The following PPP1R3B variants were observed in gnomAD, a reference collection of about 807,000 sequenced individuals.
The protein encoded by PPP1R3B is PP1 subunit R4.
PPP1R3B carries 8 observed loss-of-function variants against 14.6 expected under a neutral mutation model. The ratio of observed to expected loss-of-function variants is 0.55; its 90% CI spans 0.32 to 0.99. The LOEUF is 0.99. Among genes scored for constraint, PPP1R3B ranks in the 50% least tolerant of loss-of-function variants. The probability of loss-of-function intolerance (pLI) is 0.04; values close to 1 mark genes in which losing one functional copy is unlikely to be tolerated. For synonymous variants in PPP1R3B, 169 were observed against 142.0 expected, an observed-to-expected ratio of 1.19 and a Z score of -1.35; for missense variants, 452 against 360.1, an observed-to-expected ratio of 1.26 and a Z score of -2.07.
rs1170025554 is a variant in PPP1R3B, at chr8:9,148,086, A to G, written c.-18+2477T>C. On this transcript the variant is annotated intron_variant, in intron 1 of 1. Transcript: ENST00000310455. ...GTCATTCTCCAAGAATCAGCACACC[A>G]AAGTGCTGGTTTGGTGTAGGCTTTC... 3.3e-5 allele frequency among the ~76,000 whole-genome samples: 5 copies of G among 152,188 alleles called. No individual in the cohort carries two copies. In the East Asian group the frequency reaches 9.6e-4, roughly 29 times the overall value.
rs1800903192 is a variant in PPP1R3B at position 9,136,758 on chromosome 8, C to T, written c.*4036G>A. 6.6e-6 allele frequency: 1 copy of T among 152,194 alleles called. No homozygotes were observed. The highest frequency in any genetic ancestry group is 1.5e-5 in the Non-Finnish European group (1 of 68,032). 9.4% of individuals were successfully genotyped at this position (152,194 alleles called of 1,614,324 possible). On this transcript the variant is annotated 3_prime_UTR_variant, in exon 2 of 2. Coordinates refer to ENST00000310455, the MANE Select transcript of PPP1R3B (RefSeq NM_024607.4). ...TTGTCTCCGATTTCAGTGAACATGT[C>T]AGGAGAGACGTGATCGGGACTCTCC... is the stretch of plus-strand genomic sequence containing the variant.
At chr8:9,149,058 C>T (rs187710266) in intron 1 of PPP1R3B, among the ~76,000 whole-genome samples, 2,904 of 145,946 alleles carry the variant, frequency 0.02, 88 homozygotes, top group African/African-American at 0.068. Flanking sequence ...CCGGGCGTGG[C>T]GGCGGGCGCC....
At chr8:9,144,255 A>G (rs1801168441) in intron 1 of PPP1R3B, among the ~76,000 whole-genome samples, 1 of 150,936 alleles carries the variant, frequency 6.6e-6, no homozygotes, top group African/African-American at 2.4e-5. Flanking sequence ...TGGTATGAAC[A>G]TGGCTTATGG....
Position 9,139,614 on chromosome 8 carries a change from T to G in PPP1R3B, c.*1180A>C, listed in dbSNP as rs1801002470. 1 of 152,056 alleles carries G rather than the reference T, an allele frequency of 6.6e-6. No homozygotes were observed. Among genetic ancestry groups the G allele is most frequent in the Non-Finnish European group, 1.5e-5 (1 of 68,024 alleles). 9.4% of individuals were successfully genotyped at this position (152,056 alleles called of 1,614,324 possible). A position where few individuals can be genotyped will look rare whatever the true frequency, so the allele number is the denominator to read the frequency against. Reference sequence around the variant, plus strand: ...CCCAGGCGGGAATGCAGTGGTGTGATCTCGGTTCACTGTAAGCTCCGCCTC... The same window carrying G: ...CCCAGGCGGGAATGCAGTGGTGTGAGCTCGGTTCACTGTAAGCTCCGCCTC... On this transcript the variant is annotated 3_prime_UTR_variant, in exon 2 of 2. Coordinates refer to ENST00000310455, the MANE Select transcript of PPP1R3B (RefSeq NM_024607.4).
Position 9,141,542 on chromosome 8 carries a change from C to T in PPP1R3B, c.110G>A (p.Cys37Tyr). ...SPKPSKPLRP[C>Y]IQLSSKNEAS... ...TTCATTCTTGCTGCTCAGCTGAATACAAGGCCTCAGTGGTTTGCTGGGCTT... is the reference window on the plus strand; with the variant it reads ...TTCATTCTTGCTGCTCAGCTGAATATAAGGCCTCAGTGGTTTGCTGGGCTT... The change falls in exon 2 of 2, where the codon TGT becomes TAT. Residue 37 changes from cysteine (C) to tyrosine (Y), a missense_variant. By Grantham distance (194) the Cys-to-Tyr change is radical (BLOSUM62 -2). Coordinates refer to ENST00000310455, the MANE Select transcript of PPP1R3B (RefSeq NM_024607.4). 1.9e-6 allele frequency: 3 copies of T among 1,614,164 alleles called. No individual in the cohort carries two copies. The highest frequency in any genetic ancestry group is 2.5e-6 in the Non-Finnish European group (3 of 1,180,046).
In PPP1R3B at chr8:9,139,905, G is replaced by A. The variant is rs330919; in HGVS notation, c.*889C>T. 0.29 allele frequency: 44,207 copies of A among 152,024 alleles called. 7,667 individuals carry two copies. The highest frequency in any genetic ancestry group is 0.75 in the East Asian group (3,879 of 5,152). The allele number at this position is 152,024 out of a possible 1,614,324, so 9.4% of individuals were successfully genotyped here. On this transcript the variant is annotated 3_prime_UTR_variant, in exon 2 of 2. Coordinates refer to ENST00000310455, the MANE Select transcript of PPP1R3B (RefSeq NM_024607.4). Reference sequence around the variant, plus strand: ...CAGCCAAGCACGTTAAAGTCATTGAGCTTTCGGGGGAAAAATCAGATTTTT... The same window carrying A: ...CAGCCAAGCACGTTAAAGTCATTGAACTTTCGGGGGAAAAATCAGATTTTT...
rs1182283353 is a variant in PPP1R3B, at chr8:9,136,930, C to T, written c.*3864G>A. Reference sequence around the variant, plus strand: ...TTTTTTGATTGATAAGCATATATGGCCCATTTAATGTCCATGACTACAACT... The same window carrying T: ...TTTTTTGATTGATAAGCATATATGGTCCATTTAATGTCCATGACTACAACT... On this transcript the variant is annotated 3_prime_UTR_variant, in exon 2 of 2. Coordinates refer to ENST00000310455, the MANE Select transcript of PPP1R3B (RefSeq NM_024607.4). 4.6e-5 allele frequency: 7 copies of T among 152,100 alleles called. No homozygotes were observed. Among genetic ancestry groups the T allele is most frequent in the African/African-American group, 7.2e-5 (3 of 41,404 alleles). The allele number at this position is 152,100 out of a possible 1,614,324, so 9.4% of individuals were successfully genotyped here. A position where few individuals can be genotyped will look rare whatever the true frequency, so the allele number is the denominator to read the frequency against.
chr8:9,148,063 C>G (rs1161204436), intron 1 of PPP1R3B, among the ~76,000 whole-genome samples: 1 of 152,158 alleles, frequency 6.6e-6, no homozygotes, highest in Non-Finnish European at 1.5e-5. Flanking sequence ...TTTACCAGGT[C>G]ATTCTCCAAG....
At chr8:9,150,713 C>G (rs1191456337), upstream of PPP1R3B, 1 of 152,416 alleles carries the variant, frequency 6.6e-6, no homozygotes, top group Non-Finnish European at 1.5e-5. Context: ...GGGAGGAAGA[C>G]GACGAGGAGG....
rs574271340 is a variant in PPP1R3B at position 9,141,154 on chromosome 8, G to A, written c.498C>T (p.Phe166=). The A allele has an allele frequency of 9.3e-6, 15 of 1,614,020 alleles. No individual in the cohort carries two copies. The highest frequency in any genetic ancestry group is 1.7e-4 in the Middle Eastern group (1 of 6,060). The part of the protein sequence containing the change: ...FEKTVKIRMT[F]DTWKSYTDFP... ...AGTCTGTGTAGCTCTTCCAGGTGTCGAACGTCATCCTTATTTTCACGGTCT... is the reference window on the plus strand; with the variant it reads ...AGTCTGTGTAGCTCTTCCAGGTGTCAAACGTCATCCTTATTTTCACGGTCT... The change falls in exon 2 of 2, where the codon TTC becomes TTT. Residue 166 remains phenylalanine (F), a synonymous_variant. Transcript: ENST00000310455.
chr8:9,147,928 A>C (rs902773975), intron 1 of PPP1R3B, among the ~76,000 whole-genome samples: 2 of 152,184 alleles, frequency 1.3e-5, no homozygotes, highest in Non-Finnish European at 2.9e-5. Context: ...ACCCCAGTCT[A>C]GAATCCCTTC....
In PPP1R3B at chr8:9,139,933, G is replaced by T. The variant is rs560794238; in HGVS notation, c.*861C>A. On this transcript the variant is annotated 3_prime_UTR_variant, in exon 2 of 2. Transcript: ENST00000310455. The stretch of plus-strand genomic sequence containing the variant: ...TTCGGGGGAAAAATCAGATTTTTCC[G>T]GTGACTCGGGGTAAATGTGGGGACT... The T allele has an allele frequency of 1.3e-5, 2 of 152,112 alleles. No homozygotes were observed. Among genetic ancestry groups the T allele is most frequent in the African/African-American group, 4.8e-5 (2 of 41,406 alleles). 9.4% of individuals were successfully genotyped at this position (152,112 alleles called of 1,614,324 possible).
chr8:9,148,851 C>T (rs1801321955), intron 1 of PPP1R3B, among the ~76,000 whole-genome samples: 1 of 152,208 alleles, frequency 6.6e-6, no homozygotes, highest in South Asian at 2.1e-4. Flanking sequence ...ACGACATTAT[C>T]CCCTCCATTC....
At chr8:9,150,436 C>A in intron 1 of PPP1R3B, 127 bp downstream of exon 1, 1 of 152,936 alleles carries the variant, frequency 6.5e-6, no homozygotes, top group Non-Finnish European at 1.5e-5. Context: ...AGGAGCAGGC[C>A]AGTGCTCTCC....
chr8:9,143,084 A>G (rs1290680788), intron 1 of PPP1R3B, among the ~76,000 whole-genome samples: 1 of 152,138 alleles, frequency 6.6e-6, no homozygotes, highest in East Asian at 1.9e-4. Context: ...GAGCCTCCCT[A>G]CTATTTTCCA....
intron 1 of PPP1R3B, among the ~76,000 whole-genome samples, chr8:9,147,211 C>G (rs530276030): frequency 1.3e-5 from 2 of 152,166 alleles, no homozygotes; most frequent in Admixed American, 1.3e-4. Flanking sequence ...TTCACCATGT[C>G]AGGCTGGTCT....
At position 9,141,592 on chromosome 8, in the gene PPP1R3B, C is replaced by G. The variant is rs1462979221; in HGVS notation, c.60G>C (p.Glu20Asp). 2 of 1,614,080 alleles carry G rather than the reference C, an allele frequency of 1.2e-6. No individual in the cohort carries two copies. The highest frequency in any genetic ancestry group is 1.6e-4 in the Middle Eastern group (1 of 6,062). The change falls in exon 2 of 2, where the codon GAG (glutamate) becomes GAC (aspartate). Residue 20 changes from glutamate to aspartate, a missense_variant. By Grantham distance (45) the Glu-to-Asp change is conservative (BLOSUM62 2). Transcript: ENST00000310455. ...YNCMAPSLRQ[E>D]RFAFKISPKP... ...TTGGTGAGATCTTAAAGGCAAACCT[C>G]TCTTGGCGCAAGGAAGGAGCCATGC...
chr8:9,149,710 G>C (rs151193988), intron 1 of PPP1R3B, among the ~76,000 whole-genome samples: 3 of 152,224 alleles, frequency 2.0e-5, no homozygotes, highest in Non-Finnish European at 2.9e-5. Flanking sequence ...GAGAGTGCAT[G>C]TCTTTCCCCT....
At chr8:9,144,623 A>G (rs1421428374) in intron 1 of PPP1R3B, among the ~76,000 whole-genome samples, 1 of 152,258 alleles carries the variant, frequency 6.6e-6, no homozygotes, top group Admixed American at 6.5e-5. Context: ...TTAAGGTACT[A>G]AAATGTTCAA....
Sources: allele counts gnomAD v4.1 joint callset (sites outside exome capture counted in the v4.1 genomes callset), GRCh38; gene constraint gnomAD v4.1.1; transcripts MANE v1.5; gene names NCBI Gene and HGNC (gene_info 2026-07-23, HGNC 2026-07-21).